Variants in ARHGAP15 observed in about 807,000 individuals in gnomAD.
The protein encoded by ARHGAP15 is Rho GTPase activating protein 15.
ARHGAP15 carries 51 observed loss-of-function variants against 63.7 expected under a neutral mutation model. That is an observed-to-expected ratio of 0.80 (90% confidence interval 0.64 to 1.01). ARHGAP15 has a LOEUF of 1.01. ARHGAP15 is among the 50% of genes least tolerant of loss of function. ARHGAP15 has a pLI of 0.00. For synonymous variants in ARHGAP15, 191 were observed against 193.8 expected, an observed-to-expected ratio of 0.99 and a Z score of 0.12; for missense variants, 560 against 564.6, an observed-to-expected ratio of 0.99 and a Z score of 0.08.
chr2:143,525,669 T>C (rs1694242139), intron 10 of ARHGAP15, among the ~76,000 whole-genome samples: 1 of 152,162 alleles, frequency 6.6e-6, no homozygotes, highest in African/African-American at 2.4e-5. Context: ...GCCACCTTCC[T>C]GACAGCACAG....
intron 11 of ARHGAP15, among the ~76,000 whole-genome samples, chr2:143,570,003 T>C (rs1696386224): frequency 1.3e-5 from 2 of 152,182 alleles, no homozygotes; most frequent in Admixed American, 1.3e-4. Context: ...CTTGCCCAAG[T>C]CATTTAACCT....
At chr2:143,637,230 C>G (rs1225035905) in intron 12 of ARHGAP15, among the ~76,000 whole-genome samples, 1 of 152,104 alleles carries the variant, frequency 6.6e-6, no homozygotes, top group Non-Finnish European at 1.5e-5. Context: ...ATTTGCACAA[C>G]TTTATCAGTG....
chr2:143,468,663 A>AGTGTGTGT (rs70982870), intron 8 of ARHGAP15, among the ~76,000 whole-genome samples: 38 of 136,324 alleles, frequency 2.8e-4, no homozygotes, highest in South Asian at 1.2e-3. Flanking sequence ...AGAGAGAGAG[A>AGTGTGTGT]GTGTGTGTGT....
intron 6 of ARHGAP15, among the ~76,000 whole-genome samples, chr2:143,414,605 C>T (rs1688600170): frequency 6.6e-6 from 1 of 152,136 alleles, no homozygotes; most frequent in South Asian, 2.1e-4. Context: ...AAAGACCAAG[C>T]ACTCTCCATG....
At chr2:143,171,294 G>T (rs559228371) in intron 2 of ARHGAP15, among the ~76,000 whole-genome samples, 2 of 152,152 alleles carry the variant, frequency 1.3e-5, no homozygotes, top group South Asian at 4.1e-4. Flanking sequence ...CCAAATACTA[G>T]GCAAGCATCC....
chr2:143,642,119 T>A (rs1195593877), intron 12 of ARHGAP15, among the ~76,000 whole-genome samples: 1 of 152,124 alleles, frequency 6.6e-6, no homozygotes, highest in Admixed American at 6.6e-5. Context: ...TTGTAAAATA[T>A]GTTTGTAAAT....
intron 9 of ARHGAP15, among the ~76,000 whole-genome samples, chr2:143,516,875 T>A (rs1041705224): frequency 6.6e-6 from 1 of 152,214 alleles, no homozygotes; most frequent in South Asian, 2.1e-4. Context: ...ACTATGTCCA[T>A]GTGTTTTGAG....
At chr2:143,460,800 T>C (rs557477854) in intron 8 of ARHGAP15, among the ~76,000 whole-genome samples, 1 of 152,292 alleles carries the variant, frequency 6.6e-6, no homozygotes, top group East Asian at 1.9e-4. Context: ...ATTACCATTT[T>C]AGGGGAAACT....
intron 13 of ARHGAP15, among the ~76,000 whole-genome samples, chr2:143,723,221 G>A (rs752746103): frequency 1.3e-5 from 2 of 152,206 alleles, no homozygotes; most frequent in Admixed American, 1.3e-4. Context: ...TCACATAACT[G>A]TGAAATTGCC....
chr2:143,252,868 T>C (rs2104985265), intron 6 of ARHGAP15, among the ~76,000 whole-genome samples: 1 of 152,192 alleles, frequency 6.6e-6, no homozygotes, highest in African/African-American at 2.4e-5. Flanking sequence ...TTTGATTAGA[T>C]ACATTAGCTG....
chr2:143,306,675 C>T (rs1023142280), intron 6 of ARHGAP15, among the ~76,000 whole-genome samples: 4 of 152,028 alleles, frequency 2.6e-5, no homozygotes, highest in African/African-American at 9.7e-5. Flanking sequence ...GACCTAAGTC[C>T]TCTGAATCCA....
chr2:143,282,135 G>A (rs1681879785), intron 6 of ARHGAP15, among the ~76,000 whole-genome samples: 1 of 151,838 alleles, frequency 6.6e-6, no homozygotes, highest in Non-Finnish European at 1.5e-5. Flanking sequence ...TATTGTTTAT[G>A]ATATATGTAA....
intron 8 of ARHGAP15, among the ~76,000 whole-genome samples, chr2:143,470,500 AAAG>A (rs1691465144): frequency 6.7e-6 from 1 of 150,284 alleles, no homozygotes; most frequent in Non-Finnish European, 1.5e-5. Context: ...TTTTTCTAAA[AAAG>A]GAATTCATAA....
rs1689477126 is a variant in ARHGAP15 at position 143,143,911 on chromosome 2, C to G, written c.-14-11566C>G. On this transcript the variant is annotated intron_variant, in intron 1 of 13. Coordinates refer to ENST00000295095, the MANE Select transcript of ARHGAP15 (RefSeq NM_018460.4). ...AGTTATTTTTCCTTATCCTCTCCCT[C>G]TTCCCACCCTCCAAACTCCAGTAGG... Among the ~76,000 whole-genome samples, 5 of 152,018 alleles carry G rather than the reference C, an allele frequency of 3.3e-5. No individual in the cohort carries two copies. The South Asian group carries it at 1.0e-3, about 32-fold the overall frequency.
At chr2:143,369,172 T>A (rs1294122701) in intron 6 of ARHGAP15, among the ~76,000 whole-genome samples, 2 of 152,176 alleles carry the variant, frequency 1.3e-5, no homozygotes, top group Non-Finnish European at 2.9e-5. Context: ...GCATACTATG[T>A]AAGAAGGCAT....
rs762738571 is a variant in ARHGAP15 at position 143,435,607 on chromosome 2, A to G, written c.481A>G (p.Thr161Ala). The change falls in exon 7 of 14, where the codon ACA becomes GCA. Residue 161 changes from threonine to alanine, a missense_variant. Coordinates refer to ENST00000295095, the MANE Select transcript of ARHGAP15 (RefSeq NM_018460.4). ...SSRKNVFQIT[T>A]VSGNEFLLQS... Reference sequence around the variant, plus strand: ...CTTTTTTTTTTTTTTGCAGATCACAACAGTATCAGGAAATGAGTTCCTTCT... The same window carrying G: ...CTTTTTTTTTTTTTTGCAGATCACAGCAGTATCAGGAAATGAGTTCCTTCT... 1.3e-6 allele frequency: 2 copies of G among 1,575,470 alleles called. No homozygotes were observed. Among genetic ancestry groups the G allele is most frequent in the Non-Finnish European group, 1.7e-6 (2 of 1,169,024 alleles).
intron 11 of ARHGAP15, among the ~76,000 whole-genome samples, chr2:143,566,989 C>A (rs964638025): frequency 1.3e-5 from 2 of 152,010 alleles, no homozygotes; most frequent in Non-Finnish European, 2.9e-5. Flanking sequence ...CATTCTCCTG[C>A]CTCAGCCTCC....
At chr2:143,624,344 T>G in intron 12 of ARHGAP15, 77 bp downstream of exon 12, 1 of 1,441,538 alleles carries the variant, frequency 6.9e-7, no homozygotes, top group Non-Finnish European at 9.2e-7. Flanking sequence ...ATAAGAATGA[T>G]TATAATAATA....
intron 13 of ARHGAP15, among the ~76,000 whole-genome samples, chr2:143,730,960 C>A (rs1455680856): frequency 2.9e-5 from 3 of 104,152 alleles, no homozygotes; most frequent in Non-Finnish European, 5.3e-5. Flanking sequence ...TCAGTGTGCA[C>A]AGAATTTATT....
Sources: allele counts gnomAD v4.1 joint callset (sites outside exome capture counted in the v4.1 genomes callset), GRCh38; gene constraint gnomAD v4.1.1; transcripts MANE v1.5; gene names NCBI Gene and HGNC (gene_info 2026-07-23, HGNC 2026-07-21).